Variants in NHSL2 observed in about 807,000 individuals in gnomAD.
NHSL2 encodes NHS like 2, also known as NHS-like protein 2.
A neutral mutation model predicts 53.4 loss-of-function variants in NHSL2; 27 were observed. That is an observed-to-expected ratio of 0.51 (90% CI 0.37 to 0.70). The LOEUF is 0.70. Among genes scored for constraint, NHSL2 ranks in the 30% least tolerant of loss-of-function variants. NHSL2 has a pLI of 0.00. For missense variants in NHSL2, 892 were observed against 980.1 expected (o/e 0.91, Z 1.20); for synonymous variants, 408 against 404.1 (o/e 1.01, Z -0.12).
chrX:71,992,080 C>T (rs2042030058), intron 1 of NHSL2, among the ~76,000 whole-genome samples: 1 of 112,834 alleles, frequency 8.9e-6, no homozygotes, highest in African/African-American at 3.2e-5. Context: ...GTCTGGACAG[C>T]AACTGAGTCC....
intron 1 of NHSL2, among the ~76,000 whole-genome samples, chrX:72,034,923 C>T (rs1463415477): frequency 9.0e-6 from 1 of 111,516 alleles, no homozygotes; most frequent in East Asian, 2.8e-4. Context: ...TTGATTTCTG[C>T]TCTCTTTATT....
chrX:72,130,674 T>C (rs771020248), intron 1 of NHSL2: 1 of 1,210,414 alleles, frequency 8.3e-7, no homozygotes, highest in South Asian at 1.8e-5. Context: ...CTGTTGACCA[T>C]AAGAGCTCTT....
chrX:72,121,620 CCACA>C (rs1178128806), intron 1 of NHSL2, among the ~76,000 whole-genome samples: 1 of 111,824 alleles, frequency 8.9e-6, no homozygotes, highest in Non-Finnish European at 1.9e-5. Flanking sequence ...GAAAAAGAAA[CCACA>C]CACTTGTCTT....
intron 1 of NHSL2, among the ~76,000 whole-genome samples, chrX:72,111,313 G>A (rs773055438): frequency 8.9e-6 from 1 of 112,553 alleles, no homozygotes; most frequent in East Asian, 2.8e-4. Flanking sequence ...GAGGATGTCC[G>A]GACCAGAGGT....
chrX:71,996,927 G>A (rs920530175), intron 1 of NHSL2, among the ~76,000 whole-genome samples: 6 of 112,511 alleles, frequency 5.3e-5, no homozygotes, highest in African/African-American at 9.7e-5. Context: ...GCGCCTTCCC[G>A]TCTTGCCCTG....
At chrX:71,947,501 C>T (rs1032345105) in intron 1 of NHSL2, among the ~76,000 whole-genome samples, 3 of 112,385 alleles carry the variant, frequency 2.7e-5, no homozygotes, top group African/African-American at 9.7e-5. Flanking sequence ...TTGTTGGCAG[C>T]AGGGTTGTTT....
chrX:72,029,951 G>GCAAAA, intron 1 of NHSL2, among the ~76,000 whole-genome samples: 1 of 111,611 alleles, frequency 9.0e-6, no homozygotes, highest in South Asian at 3.8e-4. Context: ...AGAGCTAAAC[G>GCAAAA]TTATGTGTAC....
At chrX:72,091,320 G>A (rs1170141246) in intron 1 of NHSL2, among the ~76,000 whole-genome samples, 10 of 111,708 alleles carry the variant, frequency 9.0e-5, no homozygotes, top group East Asian at 2.8e-4. Context: ...CAGGCGTGGT[G>A]GTGGGCGCCT....
intron 1 of NHSL2, among the ~76,000 whole-genome samples, chrX:71,931,140 G>A (rs2041711002): frequency 1.8e-5 from 2 of 112,429 alleles, no homozygotes; most frequent in Non-Finnish European, 3.8e-5. Flanking sequence ...ATCTTTTCAT[G>A]TGCCTAGTGG....
At chrX:72,006,287 G>A (rs758130483) in intron 1 of NHSL2, among the ~76,000 whole-genome samples, 19 of 112,017 alleles carry the variant, frequency 1.7e-4, no homozygotes, top group Non-Finnish European at 2.8e-4. Flanking sequence ...CACCCACTGC[G>A]ATCCAGCTTC....
intron 1 of NHSL2, among the ~76,000 whole-genome samples, chrX:72,111,282 G>A (rs1462963310): frequency 8.9e-6 from 1 of 112,524 alleles, no homozygotes; most frequent in Non-Finnish European, 1.9e-5. Flanking sequence ...GGTTTATGTG[G>A]GAAAGACAGC....
At chrX:71,958,340 G>C (rs867880189) in intron 1 of NHSL2, among the ~76,000 whole-genome samples, 5 of 111,963 alleles carry the variant, frequency 4.5e-5, no homozygotes, top group Admixed American at 3.8e-4. Context: ...AACCAGAAGT[G>C]AGAGCCAGTC....
At position 72,144,408 on chromosome X, in the gene NHSL2, A is replaced by G; in HGVS notation, c.*834A>G. 1.7e-6 allele frequency: 1 copy of G among 578,167 alleles called. No homozygotes were observed. The highest frequency in any genetic ancestry group is 3.9e-4 in the Middle Eastern group (1 of 2,568). The allele number at this position is 578,167 out of a possible 1,213,427, so 47.6% of individuals were successfully genotyped here. ...TGAGATCCTCCATGTGTCTGTCAAC[A>G]GCGATAGGCAGGATCTGCGCCCAGC... On this transcript the variant is annotated 3_prime_UTR_variant, in exon 8 of 8. Coordinates refer to ENST00000633930, the MANE Select transcript of NHSL2 (RefSeq NM_001013627.3).
intron 1 of NHSL2, among the ~76,000 whole-genome samples, chrX:71,917,462 C>A (rs1030441509): frequency 1.8e-5 from 2 of 110,333 alleles, no homozygotes; most frequent in African/African-American, 3.3e-5. Context: ...AGATTGAATA[C>A]CTTCTTTCTT....
chrX:72,123,856 G>A (rs1437033317), intron 1 of NHSL2, among the ~76,000 whole-genome samples: 1 of 110,263 alleles, frequency 9.1e-6, no homozygotes, highest in Admixed American at 9.5e-5. Flanking sequence ...GAGTTGCTGA[G>A]GCGAGGGGCC....
At chrX:71,928,682 G>A (rs1395709766) in intron 1 of NHSL2, among the ~76,000 whole-genome samples, 4 of 111,331 alleles carry the variant, frequency 3.6e-5, no homozygotes, top group African/African-American at 1.3e-4. Context: ...GGGGCACCTG[G>A]TACTACTGGG....
intron 1 of NHSL2, among the ~76,000 whole-genome samples, chrX:72,043,888 C>CT (rs2042289713): frequency 8.9e-6 from 1 of 111,956 alleles, no homozygotes. Context: ...CACGAGGAAA[C>CT]CGGCTGAGTC....
intron 1 of NHSL2, among the ~76,000 whole-genome samples, chrX:72,051,948 G>A (rs780015923): frequency 1.1e-4 from 12 of 112,087 alleles, no homozygotes; most frequent in African/African-American, 3.6e-4. Flanking sequence ...TCCAGGCAGA[G>A]TCCCCCTCTC....
intron 1 of NHSL2, among the ~76,000 whole-genome samples, chrX:72,038,913 G>A (rs929726279): frequency 9.0e-6 from 1 of 111,413 alleles, no homozygotes; most frequent in Admixed American, 9.5e-5. Context: ...AAGCAGAGAG[G>A]GTGATTAGCT....
Sources: allele counts gnomAD v4.1 joint callset (sites outside exome capture counted in the v4.1 genomes callset), GRCh38; gene constraint gnomAD v4.1.1; transcripts MANE v1.5; gene names NCBI Gene and HGNC (gene_info 2026-07-23, HGNC 2026-07-21).